NRXN1: variants seen among roughly 807,000 people sequenced by gnomAD.
NRXN1 encodes neurexin 1.
A neutral mutation model predicts 150.9 loss-of-function variants in NRXN1; 39 were observed. That is an observed-to-expected ratio of 0.26 (90% confidence interval 0.20 to 0.34). The LOEUF is 0.34. Ranked by LOEUF, NRXN1 falls within the 10% of genes least tolerant of loss-of-function variation. The pLI, the probability that NRXN1 is intolerant of heterozygous loss-of-function variation, is 1.00. For missense variants in NRXN1, 1,815 were observed against 1,949.9 expected, an observed-to-expected ratio of 0.93 and a Z score of 1.30; for synonymous variants, 924 against 757.0, an observed-to-expected ratio of 1.22 and a Z score of -3.62.
intron 5 of NRXN1, among the ~76,000 whole-genome samples, chr2:50,631,653 G>A (rs140760444): frequency 6.6e-6 from 1 of 151,924 alleles, no homozygotes; most frequent in African/African-American, 2.4e-5. Flanking sequence ...ACTCTAGTAC[G>A]ATAATTTTCC....
chr2:50,114,799 T>C (rs867438327), intron 18 of NRXN1, among the ~76,000 whole-genome samples: 9 of 152,122 alleles, frequency 5.9e-5, no homozygotes, highest in Admixed American at 2.0e-4. Context: ...CTGTGTGACA[T>C]TCTGGAAAAG....
At chr2:50,383,291 T>C (rs1376881862) in intron 17 of NRXN1, among the ~76,000 whole-genome samples, 1 of 152,092 alleles carries the variant, frequency 6.6e-6, no homozygotes, top group Non-Finnish European at 1.5e-5. Flanking sequence ...AACCCAGGTA[T>C]CACGCGGCCT....
At chr2:50,870,404 C>A (rs927899265) in intron 5 of NRXN1, among the ~76,000 whole-genome samples, 3 of 151,822 alleles carry the variant, frequency 2.0e-5, no homozygotes, top group African/African-American at 4.8e-5. Context: ...CTCAAGGGAT[C>A]CCCCCGCCTC....
intron 5 of NRXN1, among the ~76,000 whole-genome samples, chr2:50,649,819 A>G (rs762484808): frequency 4.6e-5 from 7 of 152,002 alleles, no homozygotes; most frequent in South Asian, 2.1e-4. Context: ...ACAGAGTTCA[A>G]TGATTAGGGG....
chr2:50,795,872 G>A (rs1253738351), intron 5 of NRXN1, among the ~76,000 whole-genome samples: 1 of 151,760 alleles, frequency 6.6e-6, no homozygotes, highest in African/African-American at 2.4e-5. Flanking sequence ...AATGCCTGCT[G>A]GAATGATTGG....
At chr2:50,947,302 G>T (rs1440966621) in intron 2 of NRXN1, among the ~76,000 whole-genome samples, 1 of 151,914 alleles carries the variant, frequency 6.6e-6, no homozygotes, top group Non-Finnish European at 1.5e-5. Context: ...TTTGGTGAAT[G>T]AATAAATGAA....
intron 18 of NRXN1, among the ~76,000 whole-genome samples, chr2:50,204,534 T>C (rs1483791897): frequency 3.9e-5 from 6 of 152,172 alleles, no homozygotes; most frequent in East Asian, 1.9e-4. Context: ...GCTCCCTGGG[T>C]GCAGTGAGAA....
At chr2:50,193,619 C>T (rs115487787) in intron 18 of NRXN1, among the ~76,000 whole-genome samples, 3,940 of 152,086 alleles carry the variant, frequency 0.026, 97 homozygotes, top group Non-Finnish European at 0.036. Flanking sequence ...CTTTATTGTG[C>T]CACTAATATC....
chr2:50,728,490 A>G (rs961310621), intron 5 of NRXN1, among the ~76,000 whole-genome samples: 3 of 152,196 alleles, frequency 2.0e-5, no homozygotes, highest in Non-Finnish European at 2.9e-5. Context: ...AAATAAATTT[A>G]TGGCTTGTTT....
intron 21 of NRXN1, among the ~76,000 whole-genome samples, chr2:50,019,641 C>CAAAAAAAAAAAAAAAAAAAAAAAAAAA (rs764073226): frequency 2.0e-4 from 5 of 25,554 alleles, no homozygotes; most frequent in African/African-American, 3.9e-4. Context: ...GATTCCGTCT[C>CAAAAAAAAAAAAAAAAAAAAAAAAAAA]AAAAAAAAAA....
chr2:50,763,505 A>AATTATT (rs557716871), intron 5 of NRXN1, among the ~76,000 whole-genome samples: 2 of 151,088 alleles, frequency 1.3e-5, no homozygotes, highest in African/African-American at 2.4e-5. Flanking sequence ...CCCTCCTTCA[A>AATTATT]ATTATTATTA....
chr2:50,811,576 A>G (rs1428062556), intron 5 of NRXN1, among the ~76,000 whole-genome samples: 2 of 152,204 alleles, frequency 1.3e-5, no homozygotes, highest in African/African-American at 4.8e-5. Flanking sequence ...AGCACAGACA[A>G]TTGCAACCAA....
At chr2:51,003,642 G>T (rs189857106) in intron 2 of NRXN1, among the ~76,000 whole-genome samples, 13 of 152,042 alleles carry the variant, frequency 8.6e-5, no homozygotes, top group African/African-American at 3.1e-4. Context: ...TGCACTACAT[G>T]TATGTAGCTT....
At chr2:50,534,763 G>A (rs1343044044) in intron 10 of NRXN1, among the ~76,000 whole-genome samples, 1 of 152,080 alleles carries the variant, frequency 6.6e-6, no homozygotes, top group Admixed American at 6.6e-5. Flanking sequence ...TCTATAACTA[G>A]GCTCTATTAT....
At chr2:50,962,567 A>T (rs927808574) in intron 2 of NRXN1, among the ~76,000 whole-genome samples, 1 of 151,478 alleles carries the variant, frequency 6.6e-6, no homozygotes, top group African/African-American at 2.4e-5. Context: ...CAAAGTAACT[A>T]TGTTCAAGGC....
chr2:50,218,145 C>T (rs1030152391), intron 18 of NRXN1, among the ~76,000 whole-genome samples: 1 of 152,012 alleles, frequency 6.6e-6, no homozygotes, highest in African/African-American at 2.4e-5. Flanking sequence ...GTCTTTACAT[C>T]ATTTTATTAA....
chr2:50,409,683 T>C (rs2083006050), intron 17 of NRXN1, among the ~76,000 whole-genome samples: 1 of 152,186 alleles, frequency 6.6e-6, no homozygotes, highest in Admixed American at 6.5e-5. Flanking sequence ...ACCAAATCAT[T>C]TGGTTTTCCA....
chr2:50,415,854 G>C (rs892694060), intron 17 of NRXN1, among the ~76,000 whole-genome samples: 11 of 147,586 alleles, frequency 7.5e-5, no homozygotes, highest in Admixed American at 4.8e-4. Flanking sequence ...GAAAAAAATA[G>C]ACAAACTCTG....
At chr2:50,766,384 T>TCTGAAATA (rs1410336690) in intron 5 of NRXN1, among the ~76,000 whole-genome samples, 1 of 151,946 alleles carries the variant, frequency 6.6e-6, no homozygotes, top group African/African-American at 2.4e-5. Context: ...CTCACTGAAT[T>TCTGAAATA]CTGAAATACT....
Sources: allele counts gnomAD v4.1 joint callset (sites outside exome capture counted in the v4.1 genomes callset), GRCh38; gene constraint gnomAD v4.1.1; transcripts MANE v1.5; gene names NCBI Gene and HGNC (gene_info 2026-07-23, HGNC 2026-07-21).